Variants in MGAM observed in about 807,000 individuals in gnomAD.
MGAM encodes the protein alpha-1,4-glucosidase.
A neutral mutation model predicts 358.8 loss-of-function variants in MGAM; 253 were observed. That is an observed-to-expected ratio of 0.71 (90% confidence interval 0.64 to 0.78). MGAM has a LOEUF of 0.78. Ranked by LOEUF, MGAM falls within the 30% of genes least tolerant of loss-of-function variation. The pLI is 0.00. For synonymous variants in MGAM, 1,105 were observed against 1,227.1 expected (o/e 0.90, Z 2.08); for missense variants, 3,080 against 3,432.6 (o/e 0.90, Z 2.57).
intron 68 of MGAM, among the ~76,000 whole-genome samples, chr7:142,101,643 C>T (rs373524119): frequency 5.3e-5 from 8 of 151,898 alleles, no homozygotes; most frequent in East Asian, 3.9e-4. Context: ...CAGTGCCTCA[C>T]GCCTGTAATC....
Position 142,047,914 on chromosome 7 carries a change from A to G in MGAM, c.2587+41A>G, listed in dbSNP as rs377738295. The G allele has an allele frequency of 2.3e-4, 333 of 1,452,824 alleles. 1 individual carries two copies. The Middle Eastern group carries it at 2.6e-3, about 11-fold the overall frequency. The allele number at this position is 1,452,824 out of a possible 1,614,324, so 90.0% of individuals were successfully genotyped here. A position where few individuals can be genotyped will look rare whatever the true frequency, so the allele number is the denominator to read the frequency against. ...ATAATGTTGCTGTTTCCCAACCTGC[A>G]CCTGTGACTTATGGTCCTTCACTCC... On this transcript the variant is annotated intron_variant, in intron 22 of 70. Transcript: ENST00000475668.
At chr7:141,998,760 G>A (rs140831111) in intron 1 of MGAM, among the ~76,000 whole-genome samples, 43 of 152,124 alleles carry the variant, frequency 2.8e-4, no homozygotes, top group South Asian at 1.2e-3. Flanking sequence ...ATAATCCTTC[G>A]GGTACATACC....
chr7:142,022,230 C>A, intron 6 of MGAM, 38 bp from the exon 7 acceptor site: 1 of 1,560,512 alleles, frequency 6.4e-7, no homozygotes, highest in South Asian at 1.2e-5. Flanking sequence ...CTCCACCCTG[C>A]TTGCTCACCC....
At chr7:142,029,087 C>A (rs1340709474) in intron 10 of MGAM, among the ~76,000 whole-genome samples, 1 of 152,134 alleles carries the variant, frequency 6.6e-6, no homozygotes, top group Non-Finnish European at 1.5e-5. Context: ...CACAGTGGCT[C>A]ACACTTGTAA....
intron 49 of MGAM, among the ~76,000 whole-genome samples, chr7:142,080,279 A>G (rs756048696): frequency 6.8e-6 from 1 of 146,224 alleles, no homozygotes; most frequent in Non-Finnish European, 1.5e-5. Flanking sequence ...TGTGAATTTC[A>G]TAAAACCATA....
At chr7:142,043,617 T>G (rs1326226306) in intron 21 of MGAM, among the ~76,000 whole-genome samples, 1 of 128,102 alleles carries the variant, frequency 7.8e-6, no homozygotes, top group African/African-American at 3.1e-5. Context: ...ATCTAATATA[T>G]AATACATATA....
Position 142,073,580 on chromosome 7 carries a change from AAAAC to A in MGAM, c.5187-500_5187-497del, listed in dbSNP as rs1329449625. On this transcript the variant is annotated intron_variant, in intron 44 of 70. Coordinates refer to ENST00000475668, the MANE Select transcript of MGAM (RefSeq NM_001365693.1). ...CATTAGAATGATTTATTTTTCTTTCAAAACAAACTAATAATAAATAATCAGATAC... is the reference window on the plus strand; with the variant it reads ...CATTAGAATGATTTATTTTTCTTTCAAAACTAATAATAAATAATCAGATAC... Among the ~76,000 whole-genome samples the A allele has an allele frequency of 1.4e-5, 2 of 146,530 alleles. 1 individual carries two copies. Among genetic ancestry groups the A allele is most frequent in the East Asian group, 4.0e-4 (2 of 4,988 alleles).
intron 21 of MGAM, among the ~76,000 whole-genome samples, chr7:142,043,740 A>G (rs1809451366): frequency 1.2e-5 from 1 of 86,134 alleles, no homozygotes; most frequent in Non-Finnish European, 2.6e-5. Context: ...TAATATATAC[A>G]TTATATACAC....
At chr7:142,092,930 A>G (rs1815535054) in intron 59 of MGAM, among the ~76,000 whole-genome samples, 1 of 146,382 alleles carries the variant, frequency 6.8e-6, no homozygotes, top group African/African-American at 2.4e-5. Flanking sequence ...GGTGTCATCA[A>G]TGGGTGGAAA....
rs775361719 is a variant in MGAM, at chr7:142,063,532, G to A, written c.4291G>A (p.Ala1431Thr). The change falls in exon 36 of 71, where the codon GCA (alanine) becomes ACA (threonine). Residue 1431 changes from alanine (A) to threonine (T), a missense_variant. Physicochemically the swap from Ala to Thr is moderately conservative, Grantham distance 58. This residue lies in a region of MGAM where 1,816 missense variants were observed against 1,840.5 expected (regional missense o/e 0.99). Coordinates refer to ENST00000475668, the MANE Select transcript of MGAM (RefSeq NM_001365693.1). Reference sequence around the variant, plus strand: ...TGAACCATCAAGCTTCGTGAATGGGGCAGTTTCTCCAGGCTGCAGGGACGC... The same window carrying A: ...TGAACCATCAAGCTTCGTGAATGGGACAGTTTCTCCAGGCTGCAGGGACGC... Reference protein sequence around the residue: ...MNEPSSFVNGAVSPGCRDASL... With the variant: ...MNEPSSFVNGTVSPGCRDASL... 9.3e-6 allele frequency: 15 copies of A among 1,613,628 alleles called. No individual in the cohort carries two copies. Among genetic ancestry groups the A allele is most frequent in the Middle Eastern group, 1.6e-4 (1 of 6,072 alleles).
chr7:142,042,737 T>C (rs1473606279), intron 21 of MGAM, among the ~76,000 whole-genome samples: 1 of 75,016 alleles, frequency 1.3e-5, no homozygotes, highest in Non-Finnish European at 2.3e-5. Flanking sequence ...TATATACATA[T>C]AATATCTGAA....
At chr7:142,079,544 G>C (rs1206291383) in intron 49 of MGAM, among the ~76,000 whole-genome samples, 2 of 146,062 alleles carry the variant, frequency 1.4e-5, no homozygotes, top group Non-Finnish European at 3.1e-5. Context: ...CTGAATTTGA[G>C]ATACGTATAA....
Position 142,082,491 on chromosome 7 carries a change from A to C in MGAM, c.6188A>C (p.Tyr2063Ser). ...DQPPGYKKNS[Y>S]GVHPYYMGLE... ...ACTCTCCAGTACAAGAAGAATTCCTATGGTGTCCACCCCTACTACATGGGG... is the reference window on the plus strand; with the variant it reads ...ACTCTCCAGTACAAGAAGAATTCCTCTGGTGTCCACCCCTACTACATGGGG... The change falls in exon 52 of 71, where the codon TAT (tyrosine) becomes TCT (serine). Residue 2063 changes from tyrosine (Y) to serine (S), a missense_variant. Physicochemically the swap from Tyr to Ser is moderately radical, Grantham distance 144 (BLOSUM62 -2). Transcript: ENST00000475668. 6.5e-7 allele frequency: 1 copy of C among 1,531,552 alleles called. No homozygotes were observed. Among genetic ancestry groups the C allele is most frequent in the Non-Finnish European group, 8.9e-7 (1 of 1,119,076 alleles). The allele number at this position is 1,531,552 out of a possible 1,614,324, so 94.9% of individuals were successfully genotyped here. A position where few individuals can be genotyped will look rare whatever the true frequency, so the allele number is the denominator to read the frequency against.
At chr7:142,029,372 A>G (rs1554462392) in intron 10 of MGAM, among the ~76,000 whole-genome samples, 2 of 151,630 alleles carry the variant, frequency 1.3e-5, no homozygotes, top group Admixed American at 6.6e-5. Context: ...GGGAAAAAAA[A>G]GGACTCCATT....
chr7:142,055,534 C>A (rs1196791954), intron 27 of MGAM, 24 bp from the exon 28 acceptor site: 3 of 1,613,748 alleles, frequency 1.9e-6, no homozygotes, highest in African/African-American at 2.7e-5. Context: ...TTTTCTGTTT[C>A]AAATCTGCGT....
chr7:142,092,518 T>C lies in MGAM; in HGVS notation c.6946-3T>C. 2 of 1,544,312 alleles carry C rather than the reference T, an allele frequency of 1.3e-6. No homozygotes were observed. The highest frequency in any genetic ancestry group is 1.8e-6 in the Non-Finnish European group (2 of 1,126,318). On this transcript the variant is annotated splice_region_variant and splice_polypyrimidine_tract_variant and intron_variant, in intron 58 of 70. Coordinates refer to ENST00000475668, the MANE Select transcript of MGAM (RefSeq NM_001365693.1). ...GAGGTATGTCTGTGTTTGGCATTTCTAGGATATGAATGAACCATCAAGCTT... is the reference window on the plus strand; with the variant it reads ...GAGGTATGTCTGTGTTTGGCATTTCCAGGATATGAATGAACCATCAAGCTT...
At chr7:142,049,620 A>G (rs1218003362) in intron 22 of MGAM, among the ~76,000 whole-genome samples, 1 of 152,176 alleles carries the variant, frequency 6.6e-6, no homozygotes, top group Non-Finnish European at 1.5e-5. Flanking sequence ...AAATGACCCA[A>G]TTAAAAAGTG....
intron 35 of MGAM, 74 bp from the exon 36 acceptor site, chr7:142,063,425 T>C: frequency 3.3e-6 from 5 of 1,536,246 alleles, no homozygotes; most frequent in Non-Finnish European, 4.4e-6. Context: ...ATTTATTCAC[T>C]ACTTCCTTGG....
In MGAM at chr7:142,052,381, G is replaced by A. The variant is rs756226556; in HGVS notation, c.2893G>A (p.Asp965Asn). Residue 965 changes from aspartate (D) to asparagine (N), a missense_variant, in exon 25 of 71, where the codon GAC becomes AAC. Physicochemically the swap from Asp to Asn is conservative, Grantham distance 23 (BLOSUM62 1). This residue lies in a region of MGAM where 1,816 missense variants were observed against 1,840.5 expected (regional missense o/e 0.99). Coordinates refer to ENST00000475668, the MANE Select transcript of MGAM (RefSeq NM_001365693.1). Reference sequence around the variant, plus strand: ...AAAGATAAGGGATGAAGAAAAAATAGACTGTTACCCTGATGAGAATGGTGC... The same window carrying A: ...AAAGATAAGGGATGAAGAAAAAATAAACTGTTACCCTGATGAGAATGGTGC... ...SIKIRDEEKI[D>N]CYPDENGASA... 10 of 1,612,894 alleles carry A rather than the reference G, an allele frequency of 6.2e-6. No homozygotes were observed. Among genetic ancestry groups the A allele is most frequent in the South Asian group, 1.1e-5 (1 of 90,796 alleles).
Sources: gnomAD v4.1 joint callset for allele counts (sites outside exome capture counted in the v4.1 genomes callset) on GRCh38, gnomAD v4.1.1 for gene constraint, gnomAD v4.1.1 regional missense constraint, MANE v1.5 for transcripts, NCBI Gene and HGNC (gene_info 2026-07-23, HGNC 2026-07-21) for gene names.